Variants in TTC7B observed in about 807,000 individuals in gnomAD.
TTC7B encodes the protein tetratricopeptide repeat domain 7B.
A neutral mutation model predicts 106.8 loss-of-function variants in TTC7B; 28 were observed. The ratio of observed to expected loss-of-function variants is 0.26; its 90% CI spans 0.19 to 0.36. TTC7B has a LOEUF of 0.36. Among genes scored for constraint, TTC7B ranks in the 10% least tolerant of loss-of-function variants. The pLI is 1.00. For missense variants in TTC7B, 862 were observed against 1,076.4 expected, an observed-to-expected ratio of 0.80 and a Z score of 2.79; for synonymous variants, 405 against 430.6, an observed-to-expected ratio of 0.94 and a Z score of 0.74.
At chr14:90,549,349 A>G (rs1000563089) in intron 19 of TTC7B, among the ~76,000 whole-genome samples, 3 of 152,132 alleles carry the variant, frequency 2.0e-5, no homozygotes, top group African/African-American at 7.2e-5. Context: ...AACGGGCACC[A>G]CCACGACTTT....
chr14:90,545,599 A>C (rs528578602), intron 19 of TTC7B, among the ~76,000 whole-genome samples: 1 of 152,324 alleles, frequency 6.6e-6, no homozygotes, highest in South Asian at 2.1e-4. Context: ...GACCAGGAGG[A>C]CCAGGGCCTT....
intron 9 of TTC7B, chr14:90,675,222 A>G (rs1287962897): frequency 6.6e-6 from 1 of 152,282 alleles, no homozygotes; most frequent in Non-Finnish European, 1.5e-5. Context: ...GGATGGAAGT[A>G]GATGTGTGCG....
At chr14:90,667,472 AG>A (rs775881683) in intron 9 of TTC7B, among the ~76,000 whole-genome samples, 1 of 151,814 alleles carries the variant, frequency 6.6e-6, no homozygotes, top group Non-Finnish European at 1.5e-5. Context: ...ATTTGGTGAG[AG>A]GGGGTATTAA....
chr14:90,625,616 A>G (rs1884405693), intron 15 of TTC7B, among the ~76,000 whole-genome samples: 1 of 152,214 alleles, frequency 6.6e-6, no homozygotes, highest in African/African-American at 2.4e-5. Context: ...CTGGGATGAC[A>G]GCTGTGCACG....
intron 6 of TTC7B, among the ~76,000 whole-genome samples, chr14:90,694,766 A>G (rs1473728278): frequency 3.5e-5 from 5 of 141,002 alleles, no homozygotes; most frequent in African/African-American, 2.5e-5. Context: ...AAATAAATAT[A>G]CATATAAAAT....
rs1262157439 is a variant in TTC7B, at chr14:90,526,917, T to A, written c.*14451A>T. Reference sequence around the variant, plus strand: ...TATTAGCTGCATGAGGACGTACTAATACGGTGCCTTTCATCCAGGACCCCG... The same window carrying A: ...TATTAGCTGCATGAGGACGTACTAAAACGGTGCCTTTCATCCAGGACCCCG... On this transcript the variant is annotated 3_prime_UTR_variant, in exon 20 of 20. Transcript: ENST00000328459. 1.3e-5 allele frequency: 2 copies of A among 152,222 alleles called. No homozygotes were observed. The highest frequency in any genetic ancestry group is 4.8e-5 in the African/African-American group (2 of 41,452). 9.4% of individuals were successfully genotyped at this position (152,222 alleles called of 1,614,324 possible).
chr14:90,607,065 G>A (rs535765608), intron 17 of TTC7B, among the ~76,000 whole-genome samples: 1 of 152,334 alleles, frequency 6.6e-6, no homozygotes, highest in African/African-American at 2.4e-5. Flanking sequence ...GGACAGGAGA[G>A]AGAGATCGAA....
At chr14:90,751,351 A>G (rs1411546607) in intron 3 of TTC7B, among the ~76,000 whole-genome samples, 1 of 152,198 alleles carries the variant, frequency 6.6e-6, no homozygotes, top group African/African-American at 2.4e-5. Context: ...GCGCTCCCAC[A>G]GATAAACTCA....
At chr14:90,549,248 C>T (rs1487655465) in intron 19 of TTC7B, among the ~76,000 whole-genome samples, 3 of 152,210 alleles carry the variant, frequency 2.0e-5, no homozygotes, top group Admixed American at 6.5e-5. Flanking sequence ...GAGTGAGGCC[C>T]AAAGGCAAGG....
intron 2 of TTC7B, among the ~76,000 whole-genome samples, chr14:90,782,901 G>C (rs999424092): frequency 1.3e-5 from 2 of 151,480 alleles, no homozygotes; most frequent in Non-Finnish European, 2.9e-5. Context: ...CACTTACAAA[G>C]AGCTATAATG....
At chr14:90,699,319 G>A (rs1595295559) in intron 5 of TTC7B, 1 of 426,500 alleles carries the variant, frequency 2.3e-6, no homozygotes, top group East Asian at 7.3e-5. Flanking sequence ...GGGGACATGA[G>A]AATCATTTCA....
intron 19 of TTC7B, among the ~76,000 whole-genome samples, chr14:90,542,597 C>T (rs1262611260): frequency 5.9e-5 from 9 of 152,194 alleles, no homozygotes; most frequent in African/African-American, 2.2e-4. Context: ...AACATCTTTC[C>T]AGAAAGCACC....
intron 2 of TTC7B, among the ~76,000 whole-genome samples, chr14:90,781,578 T>C (rs982808570): frequency 4.9e-4 from 74 of 152,136 alleles, no homozygotes; most frequent in African/African-American, 1.7e-3. Context: ...CAAGCACCTG[T>C]CTCAGAAAAG....
At chr14:90,615,284 C>T (rs1277363068) in intron 16 of TTC7B, among the ~76,000 whole-genome samples, 4 of 152,194 alleles carry the variant, frequency 2.6e-5, no homozygotes, top group Non-Finnish European at 2.9e-5. Context: ...CTACTGCCCA[C>T]GTCTTCCTCA....
chr14:90,572,604 G>A (rs1891077927), intron 19 of TTC7B, among the ~76,000 whole-genome samples: 1 of 152,168 alleles, frequency 6.6e-6, no homozygotes, highest in Non-Finnish European at 1.5e-5. Context: ...GAGAACAGAA[G>A]ATCATAGAGG....
intron 5 of TTC7B, among the ~76,000 whole-genome samples, chr14:90,714,705 C>A (rs1888587441): frequency 6.6e-6 from 1 of 152,132 alleles, no homozygotes; most frequent in South Asian, 2.1e-4. Flanking sequence ...GATCCACCCA[C>A]CTCGGCCTCC....
intron 18 of TTC7B, among the ~76,000 whole-genome samples, chr14:90,582,267 C>T (rs1197624508): frequency 2.0e-5 from 3 of 152,244 alleles, no homozygotes; most frequent in Admixed American, 1.3e-4. Flanking sequence ...TTCCAATTTG[C>T]AAGCCACAGT....
intron 1 of TTC7B, 49 bp from the exon 2 acceptor site, chr14:90,786,377 G>T (rs374170058): frequency 6.2e-7 from 1 of 1,602,950 alleles, no homozygotes; most frequent in African/African-American, 1.3e-5. Flanking sequence ...TGGCCTGCAT[G>T]TAGGACCCCC....
chr14:90,792,291 T>C (rs572276716), intron 1 of TTC7B, among the ~76,000 whole-genome samples: 1 of 152,154 alleles, frequency 6.6e-6, no homozygotes, highest in Non-Finnish European at 1.5e-5. Context: ...CAGCAGCAAC[T>C]GGGGGCAGGG....
Sources: allele counts gnomAD v4.1 joint callset (sites outside exome capture counted in the v4.1 genomes callset), GRCh38; gene constraint gnomAD v4.1.1; transcripts MANE v1.5; gene names NCBI Gene and HGNC (gene_info 2026-07-23, HGNC 2026-07-21).